CDK14: variants seen among roughly 807,000 people sequenced by gnomAD.
CDK14 encodes cyclin dependent kinase 14.
In CDK14, 34 loss-of-function variants were observed where a neutral mutation model predicts 60.7. The observed-to-expected ratio is 0.56, with a 90% confidence interval of 0.43 to 0.75. The LOEUF is 0.75. CDK14 is among the 30% of genes least tolerant of loss of function. The pLI is 0.00. For synonymous variants in CDK14, 197 were observed against 203.7 expected (o/e 0.97, Z 0.28); for missense variants, 482 against 564.1 (o/e 0.85, Z 1.47).
At chr7:90,699,447 TATTCTA>T (rs1345300884) in intron 2 of CDK14, among the ~76,000 whole-genome samples, 1 of 152,232 alleles carries the variant, frequency 6.6e-6, no homozygotes, top group African/African-American at 2.4e-5. Context: ...GTATAGGAAC[TATTCTA>T]AGTATTCCCA....
chr7:90,887,147 T>G (rs1443042479), intron 6 of CDK14, among the ~76,000 whole-genome samples: 2 of 152,168 alleles, frequency 1.3e-5, no homozygotes, highest in African/African-American at 4.8e-5. Context: ...AACCAATTTT[T>G]TACAATTTTA....
At chr7:91,184,575 G>A (rs537357497) in intron 14 of CDK14, among the ~76,000 whole-genome samples, 4 of 152,284 alleles carry the variant, frequency 2.6e-5, no homozygotes, top group African/African-American at 9.6e-5. Context: ...AAGAAAGAGA[G>A]TCTGAGTGGG....
chr7:90,654,013 C>T (rs923210374), intron 2 of CDK14, among the ~76,000 whole-genome samples: 18 of 152,182 alleles, frequency 1.2e-4, no homozygotes, highest in Non-Finnish European at 1.9e-4. Flanking sequence ...TTTTTTATGG[C>T]TGCATAGGAT....
intron 2 of CDK14, among the ~76,000 whole-genome samples, chr7:90,708,509 T>C (rs1801950716): frequency 6.6e-6 from 1 of 152,208 alleles, no homozygotes; most frequent in East Asian, 1.9e-4. Context: ...GAACAATAAC[T>C]TTTTAAAAAG....
intron 5 of CDK14, among the ~76,000 whole-genome samples, chr7:90,809,893 A>C (rs1789017985): frequency 6.6e-6 from 1 of 152,330 alleles, no homozygotes; most frequent in Admixed American, 6.5e-5. Flanking sequence ...ATTCCTGGAC[A>C]CATACACCCT....
intron 4 of CDK14, among the ~76,000 whole-genome samples, chr7:90,777,779 A>G (rs913088415): frequency 1.3e-5 from 2 of 152,220 alleles, no homozygotes; most frequent in East Asian, 1.9e-4. Flanking sequence ...TGTGCCTCAC[A>G]TCACTGTGTC....
intron 6 of CDK14, among the ~76,000 whole-genome samples, chr7:90,878,201 G>A (rs1317333602): frequency 1.3e-5 from 2 of 151,942 alleles, no homozygotes; most frequent in African/African-American, 4.8e-5. Flanking sequence ...TATAGTGGCT[G>A]GTTTCTCCTT....
intron 2 of CDK14, chr7:90,709,505 T>C (rs1801983488): frequency 1.2e-6 from 2 of 1,608,772 alleles, no homozygotes; most frequent in East Asian, 4.5e-5. Flanking sequence ...AATATCTTTC[T>C]GAAAAGACAG....
intron 12 of CDK14, among the ~76,000 whole-genome samples, chr7:91,104,873 A>T (rs922060699): frequency 6.6e-6 from 1 of 152,190 alleles, no homozygotes; most frequent in Non-Finnish European, 1.5e-5. Flanking sequence ...AAAGAATACC[A>T]GGGAGAAAGA....
chr7:90,969,173 C>G (rs1344852475), intron 9 of CDK14, among the ~76,000 whole-genome samples: 1 of 152,092 alleles, frequency 6.6e-6, no homozygotes, highest in Non-Finnish European at 1.5e-5. Flanking sequence ...GGTCTTGCAT[C>G]TATTATCTCA....
intron 5 of CDK14, among the ~76,000 whole-genome samples, chr7:90,799,228 A>T (rs1222486336): frequency 6.6e-6 from 1 of 152,224 alleles, no homozygotes; most frequent in African/African-American, 2.4e-5. Flanking sequence ...GTAGCAGTAT[A>T]AATAGACAAT....
chr7:90,860,740 G>C (rs1278077957), intron 5 of CDK14, among the ~76,000 whole-genome samples: 1 of 151,962 alleles, frequency 6.6e-6, no homozygotes, highest in Non-Finnish European at 1.5e-5. Flanking sequence ...GATCAGGATG[G>C]TCTCAATCTC....
chr7:90,629,699 T>C (rs546233304), intron 2 of CDK14, among the ~76,000 whole-genome samples: 1 of 152,258 alleles, frequency 6.6e-6, no homozygotes, highest in South Asian at 2.1e-4. Context: ...GGAGATTCAA[T>C]TGATGAAAAA....
intron 3 of CDK14, among the ~76,000 whole-genome samples, chr7:90,744,363 A>G (rs1803484159): frequency 6.6e-6 from 1 of 152,194 alleles, no homozygotes; most frequent in Non-Finnish European, 1.5e-5. Context: ...AAGGCAGAAG[A>G]ATTTTTCTTA....
At chr7:90,677,445 G>T (rs62469729) in intron 2 of CDK14, among the ~76,000 whole-genome samples, 7,401 of 152,178 alleles carry the variant, frequency 0.049, 246 homozygotes, top group South Asian at 0.096. Flanking sequence ...CTTTCTTATT[G>T]TGTTGCAGGC....
chr7:91,077,478 CA>C (rs1798358657), intron 11 of CDK14, among the ~76,000 whole-genome samples: 1 of 151,440 alleles, frequency 6.6e-6, no homozygotes, highest in Non-Finnish European at 1.5e-5. Flanking sequence ...ATATCACACA[CA>C]GGGGCCTGTT....
intron 10 of CDK14, among the ~76,000 whole-genome samples, chr7:91,039,165 C>A (rs1368014078): frequency 6.6e-6 from 1 of 152,206 alleles, no homozygotes; most frequent in Non-Finnish European, 1.5e-5. Flanking sequence ...TCATTTTCTT[C>A]AAGCTGTCCC....
intron 9 of CDK14, among the ~76,000 whole-genome samples, chr7:90,970,436 G>A (rs1004604240): frequency 6.6e-6 from 1 of 152,174 alleles, no homozygotes; most frequent in African/African-American, 2.4e-5. Flanking sequence ...TGTGTCACCT[G>A]GGAAGAAATC....
intron 6 of CDK14, among the ~76,000 whole-genome samples, chr7:90,883,963 A>G (rs530171894): frequency 5.9e-5 from 9 of 152,188 alleles, no homozygotes; most frequent in Admixed American, 5.2e-4. Flanking sequence ...TATTTATGAC[A>G]AACCCACAGC....
Sources: gnomAD v4.1 joint callset for allele counts (sites outside exome capture counted in the v4.1 genomes callset) on GRCh38, gnomAD v4.1.1 for gene constraint, MANE v1.5 for transcripts, NCBI Gene and HGNC (gene_info 2026-07-23, HGNC 2026-07-21) for gene names.